Variants in DNAH11 observed in about 807,000 individuals in gnomAD.
DNAH11 encodes axonemal beta dynein heavy chain 11.
Under a neutral mutation model 526.0 loss-of-function variants are expected in DNAH11, and 442 were observed. The ratio of observed to expected loss-of-function variants is 0.84; its 90% CI spans 0.78 to 0.91. DNAH11 has a LOEUF of 0.91. DNAH11 is among the 40% of genes least tolerant of loss of function. The pLI is 0.00. For missense variants in DNAH11, 6,989 were observed against 5,448.7 expected (o/e 1.28, Z -8.90); for synonymous variants, 2,461 against 1,935.9 (o/e 1.27, Z -7.12).
Position 21,727,109 on chromosome 7 carries a change from AT to A in DNAH11, c.7440+1130del, listed in dbSNP as rs979841303. Among the ~76,000 whole-genome samples, 80 of 150,726 alleles carry A rather than the reference AT, an allele frequency of 5.3e-4. 1 individual carries two copies. The highest frequency in any genetic ancestry group is 1.9e-3 in the African/African-American group (79 of 41,114). ...CCACCACGCCCGGCTAATGTTTTGT[AT>A]TTTTAGTAGAGACGGGGTTTCACCG... On this transcript the variant is annotated intron_variant, in intron 45 of 81. Coordinates refer to ENST00000409508, the MANE Select transcript of DNAH11 (RefSeq NM_001277115.2).
At chr7:21,759,070 CT>C (rs1786771806) in intron 54 of DNAH11, among the ~76,000 whole-genome samples, 1 of 152,140 alleles carries the variant, frequency 6.6e-6, no homozygotes, top group African/African-American at 2.4e-5. Flanking sequence ...TAGAGACTGG[CT>C]TGGAACGCAG....
intron 25 of DNAH11, among the ~76,000 whole-genome samples, chr7:21,629,566 T>G (rs10262105): frequency 0.36 from 54,743 of 151,924 alleles, 10,355 homozygotes; most frequent in East Asian, 0.54. Flanking sequence ...TTAGGTCTAT[T>G]AATGTTTGTG....
intron 22 of DNAH11, 48 bp downstream of exon 22, chr7:21,616,340 ACCT>A (rs1785783410): frequency 7.0e-7 from 1 of 1,428,842 alleles, no homozygotes; most frequent in African/African-American, 1.4e-5. Context: ...TCTCAGCACC[ACCT>A]CCTTCCATCT....
chr7:21,808,090 A>G, intron 63 of DNAH11, 41 bp downstream of exon 63: 2 of 1,351,970 alleles, frequency 1.5e-6, no homozygotes, highest in Non-Finnish European at 1.9e-6. Context: ...TAGAAAGATC[A>G]CATTGAAATT....
intron 39 of DNAH11, 25 bp downstream of exon 39, chr7:21,705,562 AC>A: frequency 6.2e-7 from 1 of 1,600,456 alleles, no homozygotes; most frequent in Non-Finnish European, 8.6e-7. Context: ...CTAATAGCTT[AC>A]AGCTATGGAA....
At chr7:21,853,200 T>C (rs10225576) in intron 67 of DNAH11, among the ~76,000 whole-genome samples, 93,500 of 152,110 alleles carry the variant, frequency 0.61, 29,248 homozygotes, top group Non-Finnish European at 0.65. Flanking sequence ...ATATGCCTTA[T>C]GTGTGATGTG....
intron 74 of DNAH11, among the ~76,000 whole-genome samples, chr7:21,879,689 G>A (rs918698864): frequency 6.6e-6 from 1 of 152,140 alleles, no homozygotes; most frequent in African/African-American, 2.4e-5. Flanking sequence ...AGGCAGCTTT[G>A]TTCCATGAGA....
At chr7:21,825,817 G>A (rs1432282875) in intron 65 of DNAH11, among the ~76,000 whole-genome samples, 1 of 152,034 alleles carries the variant, frequency 6.6e-6, no homozygotes, top group East Asian at 1.9e-4. Flanking sequence ...AAATTAGCTG[G>A]GTGTAGTAGC....
intron 69 of DNAH11, among the ~76,000 whole-genome samples, chr7:21,863,938 A>G (rs1267186021): frequency 6.6e-6 from 1 of 152,226 alleles, no homozygotes; most frequent in Non-Finnish European, 1.5e-5. Context: ...TTATGTGGAA[A>G]TTAGGAATAC....
rs778792346 is a variant in DNAH11, at chr7:21,636,005, C to G, written c.4635C>G (p.His1545Gln). ...TGGAAGTCCAGCGAACTTGGTCTCACCTGGAAAGCATTTTTGTCTGTTCAG... is the reference window on the plus strand; with the variant it reads ...TGGAAGTCCAGCGAACTTGGTCTCAGCTGGAAAGCATTTTTGTCTGTTCAG... ...TWMEVQRTWS[H>Q]LESIFVCSED... Residue 1545 changes from histidine to glutamine, a missense_variant, in exon 26 of 82, where the codon CAC (histidine) becomes CAG (glutamine). Physicochemically the swap from His to Gln is conservative, Grantham distance 24 (BLOSUM62 0). Coordinates refer to ENST00000409508, the MANE Select transcript of DNAH11 (RefSeq NM_001277115.2). 2 of 1,613,550 alleles carry G rather than the reference C, an allele frequency of 1.2e-6. No homozygotes were observed. Among genetic ancestry groups the G allele is most frequent in the African/African-American group, 2.7e-5 (2 of 74,924 alleles).
chr7:21,637,823 T>C, intron 27 of DNAH11, 121 bp downstream of exon 27: 1 of 561,526 alleles, frequency 1.8e-6, no homozygotes. Flanking sequence ...TATTTTGTAA[T>C]TTTGCTTATA....
At chr7:21,634,568 C>G (rs544049375) in intron 25 of DNAH11, among the ~76,000 whole-genome samples, 28 of 152,222 alleles carry the variant, frequency 1.8e-4, no homozygotes, top group African/African-American at 6.3e-4. Context: ...GAAATACTAG[C>G]TAGGCTCCAT....
At position 21,789,763 on chromosome 7, in the gene DNAH11, CTCTT is replaced by C. The variant is rs1554281334; in HGVS notation, c.10026+463_10026+466del. 4.1e-3 allele frequency among the ~76,000 whole-genome samples: 297 copies of C among 73,036 alleles called. 6 individuals carry two copies. The highest frequency in any genetic ancestry group is 5.5e-3 in the South Asian group (10 of 1,834). The allele number at this position is 73,036 out of a possible 152,430, so 47.9% of individuals were successfully genotyped here. A position where few individuals can be genotyped will look rare whatever the true frequency, so the allele number is the denominator to read the frequency against. On this transcript the variant is annotated intron_variant, in intron 61 of 81. Transcript: ENST00000409508. ...ATTATAATAATAAGCATTTCTTTCT[CTCTT>C]TCTTTCTTTCTTTCTTTCTTTCTTT...
chr7:21,675,739 C>T (rs540434113), intron 30 of DNAH11, among the ~76,000 whole-genome samples: 2 of 152,252 alleles, frequency 1.3e-5, no homozygotes, highest in African/African-American at 4.8e-5. Flanking sequence ...CTATGCTAAG[C>T]ATGAGAACAT....
chr7:21,834,918 G>T (rs1275893860), intron 65 of DNAH11, among the ~76,000 whole-genome samples: 1 of 152,040 alleles, frequency 6.6e-6, no homozygotes, highest in Non-Finnish European at 1.5e-5. Context: ...ATTTTCAAAA[G>T]TTTCAAATCA....
At chr7:21,608,491 C>G (rs1406046448) in intron 20 of DNAH11, among the ~76,000 whole-genome samples, 1 of 152,130 alleles carries the variant, frequency 6.6e-6, no homozygotes, top group Non-Finnish European at 1.5e-5. Context: ...GAGCCCTTAC[C>G]TCTCTTTCCA....
chr7:21,610,066 A>T (rs1213894451), intron 20 of DNAH11, among the ~76,000 whole-genome samples: 2 of 152,078 alleles, frequency 1.3e-5, no homozygotes, highest in Non-Finnish European at 2.9e-5. Context: ...CATCCTGGCT[A>T]ACACAGTGAA....
chr7:21,874,562 C>G (rs574227338), intron 74 of DNAH11, among the ~76,000 whole-genome samples: 1 of 152,108 alleles, frequency 6.6e-6, no homozygotes, highest in African/African-American at 2.4e-5. Context: ...TCTCGAACTC[C>G]TGACCTCAGG....
At chr7:21,786,268 G>A (rs1162506923) in intron 58 of DNAH11, among the ~76,000 whole-genome samples, 1 of 151,494 alleles carries the variant, frequency 6.6e-6, no homozygotes, top group African/African-American at 2.4e-5. Context: ...TACATAGTGG[G>A]ATAGAACCTA....
Sources: gnomAD v4.1 joint callset for allele counts (sites outside exome capture counted in the v4.1 genomes callset) on GRCh38, gnomAD v4.1.1 for gene constraint, MANE v1.5 for transcripts, NCBI Gene and HGNC (gene_info 2026-07-23, HGNC 2026-07-21) for gene names.